UGGT2: variants seen among roughly 807,000 people sequenced by gnomAD.
The protein encoded by UGGT2 is UDP-glucose:glycoprotein glucosyltransferase 2.
A neutral mutation model predicts 192.1 loss-of-function variants in UGGT2; 180 were observed. The ratio of observed to expected loss-of-function variants is 0.94; its 90% CI spans 0.83 to 1.06. The LOEUF is 1.06. Ranked by LOEUF, UGGT2 falls within the 50% of genes least tolerant of loss-of-function variation. The probability of loss-of-function intolerance (pLI) is 0.00; values close to 1 mark genes in which losing one functional copy is unlikely to be tolerated. For missense variants in UGGT2, 1,849 were observed against 1,795.7 expected (o/e 1.03, Z -0.54); for synonymous variants, 580 against 591.0 (o/e 0.98, Z 0.27).
At chr13:95,925,895 A>G in intron 19 of UGGT2, 121 bp from the exon 20 acceptor site, 1 of 575,910 alleles carries the variant, frequency 1.7e-6, no homozygotes, top group Non-Finnish European at 2.9e-6. Context: ...AAAAGCAAAG[A>G]TTTTTAAAAT....
chr13:96,026,246 TTAAGTATGTGAAGAACTCAAGGGC>T (rs1310170481), intron 2 of UGGT2, among the ~76,000 whole-genome samples: 2 of 152,106 alleles, frequency 1.3e-5, no homozygotes, highest in African/African-American at 4.8e-5. Context: ...ACATGAACAA[TTAAGTATGTGAAGAACTCAAGGGC>T]TATTTTTCCA....
At chr13:95,931,192 T>A (rs1240522973) in intron 17 of UGGT2, among the ~76,000 whole-genome samples, 1 of 152,192 alleles carries the variant, frequency 6.6e-6, no homozygotes, top group Non-Finnish European at 1.5e-5. Context: ...AAGTCCCCAC[T>A]AGATGAGCTA....
In UGGT2 at chr13:95,895,271, C is replaced by T; in HGVS notation, c.2668G>A (p.Glu890Lys). Residue 890 changes from glutamate to lysine, a missense_variant, in exon 23 of 39, where the codon GAA becomes AAA. Physicochemically the swap from Glu to Lys is moderately conservative, Grantham distance 56. Coordinates refer to ENST00000376747, the MANE Select transcript of UGGT2 (RefSeq NM_020121.4). Reference protein sequence around the residue: ...LGPLDEDFYAEDFYLLEKITF... With the variant: ...LGPLDEDFYAKDFYLLEKITF... ...ATCTTTTCCAACAAGTAAAAATCTTCTGCATAAAAATCTTCATCTAAAGGT... is the reference window on the plus strand; with the variant it reads ...ATCTTTTCCAACAAGTAAAAATCTTTTGCATAAAAATCTTCATCTAAAGGT... 4.6e-6 allele frequency: 7 copies of T among 1,537,938 alleles called. No individual in the cohort carries two copies. The highest frequency in any genetic ancestry group is 6.2e-6 in the Non-Finnish European group (7 of 1,132,880).
chr13:95,901,030 T>C, intron 21 of UGGT2, 92 bp from the exon 22 acceptor site: 1 of 902,266 alleles, frequency 1.1e-6, no homozygotes, highest in African/African-American at 1.7e-5. Flanking sequence ...GTATAAAATT[T>C]TAAATAATAC....
At chr13:96,039,965 A>G (rs997672224) in intron 1 of UGGT2, among the ~76,000 whole-genome samples, 62 of 152,292 alleles carry the variant, frequency 4.1e-4, no homozygotes, top group African/African-American at 1.4e-3. Flanking sequence ...TTTTTCAACT[A>G]TGCCCTTTAA....
At chr13:96,022,898 T>C in intron 4 of UGGT2, 142 bp downstream of exon 4, 1 of 450,972 alleles carries the variant, frequency 2.2e-6, no homozygotes, top group Non-Finnish European at 3.6e-6. Context: ...CATTCTCAGA[T>C]ATATTACGGT....
intron 25 of UGGT2, 46 bp downstream of exon 25, chr13:95,890,816 A>T: frequency 2.1e-6 from 3 of 1,458,496 alleles, no homozygotes; most frequent in African/African-American, 1.4e-5. Flanking sequence ...TGAAAAAATT[A>T]TGAATTTAAA....
chr13:95,829,297 A>C (rs1369568787), intron 38 of UGGT2, among the ~76,000 whole-genome samples: 1 of 152,206 alleles, frequency 6.6e-6, no homozygotes, highest in Non-Finnish European at 1.5e-5. Flanking sequence ...CCTATTCAAC[A>C]TAGTGTTGGA....
At chr13:95,993,240 T>C (rs999142259) in intron 7 of UGGT2, among the ~76,000 whole-genome samples, 5 of 152,044 alleles carry the variant, frequency 3.3e-5, no homozygotes, top group African/African-American at 1.2e-4. Flanking sequence ...CTGGGGTCTA[T>C]TAGAGTGGGA....
chr13:95,988,050 G>A (rs2051345408), intron 8 of UGGT2, among the ~76,000 whole-genome samples: 1 of 152,122 alleles, frequency 6.6e-6, no homozygotes, highest in African/African-American at 2.4e-5. Flanking sequence ...GGGTACTACT[G>A]CTGTGTCAAG....
intron 1 of UGGT2, among the ~76,000 whole-genome samples, chr13:96,045,566 C>T (rs572599376): frequency 1.8e-4 from 28 of 152,128 alleles, no homozygotes; most frequent in South Asian, 1.5e-3. Context: ...ACTGATGATA[C>T]GATTATATAC....
intron 1 of UGGT2, among the ~76,000 whole-genome samples, chr13:96,044,913 G>A (rs748711963): frequency 3.9e-5 from 6 of 152,050 alleles, no homozygotes; most frequent in Non-Finnish European, 8.8e-5. Context: ...AATTCTACCA[G>A]ACATTCAAAG....
chr13:95,975,628 C>A (rs1283138819), intron 10 of UGGT2, among the ~76,000 whole-genome samples: 2 of 151,902 alleles, frequency 1.3e-5, no homozygotes, highest in Non-Finnish European at 2.9e-5. Context: ...AAGAGGGAAC[C>A]CATTTATTCT....
rs148052123 is a variant in UGGT2 at position 95,915,778 on chromosome 13, C to G, written c.2295+9902G>C. ...CACCAACAGAGCATAGCTGCTCTAT[C>G]CGATCATGGCCAGACTGCTTCTTTA... On this transcript the variant is annotated intron_variant, in intron 20 of 38. Transcript: ENST00000376747. Among the ~76,000 whole-genome samples the G allele has an allele frequency of 9.5e-3, 1,449 of 152,288 alleles. 20 individuals carry two copies. Among genetic ancestry groups the G allele is most frequent in the Middle Eastern group, 0.01 (3 of 292 alleles).
chr13:95,944,300 A>G (rs2049791891), intron 15 of UGGT2, among the ~76,000 whole-genome samples: 1 of 152,072 alleles, frequency 6.6e-6, no homozygotes, highest in African/African-American at 2.4e-5. Flanking sequence ...TCTCTAAAAG[A>G]TATTTTAAAG....
rs570254329 is a variant in UGGT2, at chr13:95,865,634, A to G, written c.3558+1705T>C. On this transcript the variant is annotated intron_variant, in intron 30 of 38. Transcript: ENST00000376747. Reference sequence around the variant, plus strand: ...AGCCAAGATCGGGCCACTGAACTCCAGAGTGAGCAACAGAGCGAGACTACA... The same window carrying G: ...AGCCAAGATCGGGCCACTGAACTCCGGAGTGAGCAACAGAGCGAGACTACA... Among the ~76,000 whole-genome samples the G allele has an allele frequency of 2.6e-5, 4 of 152,346 alleles. 1 individual carries two copies. The highest frequency in any genetic ancestry group is 9.6e-5 in the African/African-American group (4 of 41,592).
intron 20 of UGGT2, among the ~76,000 whole-genome samples, chr13:95,904,418 A>G (rs1444078344): frequency 2.0e-5 from 3 of 147,618 alleles, no homozygotes; most frequent in Non-Finnish European, 3.0e-5. Flanking sequence ...AGCATTAGGT[A>G]TATCTCCTAA....
intron 1 of UGGT2, among the ~76,000 whole-genome samples, chr13:96,044,431 G>C (rs2053249516): frequency 6.6e-6 from 1 of 152,090 alleles, no homozygotes; most frequent in Non-Finnish European, 1.5e-5. Flanking sequence ...ACAATCTAAG[G>C]TCTAACCTCA....
At chr13:95,986,206 A>C in intron 9 of UGGT2, 127 bp downstream of exon 9, 1 of 635,782 alleles carries the variant, frequency 1.6e-6, no homozygotes, top group Non-Finnish European at 2.6e-6. Context: ...AAAGGCCCTG[A>C]TTTCACAAAA....
Sources: allele counts gnomAD v4.1 joint callset (sites outside exome capture counted in the v4.1 genomes callset), GRCh38; gene constraint gnomAD v4.1.1; transcripts MANE v1.5; gene names NCBI Gene and HGNC (gene_info 2026-07-23, HGNC 2026-07-21).